The following IL12RB2 variants were observed in gnomAD, a reference collection of about 807,000 sequenced individuals.
IL12RB2 encodes the protein interleukin 12 receptor subunit beta 2.
IL12RB2 carries 82 observed loss-of-function variants against 89.4 expected under a neutral mutation model. That is an observed-to-expected ratio of 0.92 (90% CI 0.77 to 1.10). The LOEUF (loss-of-function observed/expected upper bound fraction) is 1.10, where lower values mean the gene tolerates loss of function less well. Among genes scored for constraint, IL12RB2 ranks in the 50% least tolerant of loss-of-function variants. The probability of loss-of-function intolerance (pLI) is 0.00; values close to 1 mark genes in which losing one functional copy is unlikely to be tolerated. For synonymous variants in IL12RB2, 368 were observed against 370.1 expected, an observed-to-expected ratio of 0.99 and a Z score of 0.07; for missense variants, 963 against 1,031.9, an observed-to-expected ratio of 0.93 and a Z score of 0.92.
In IL12RB2 at chr1:67,316,421, A is replaced by AGTGTGTGTGTGTGTGTGTGT. The variant is rs71062410; in HGVS notation, c.-37+2434_-37+2453dup. On this transcript the variant is annotated intron_variant, in intron 2 of 16. Transcript: ENST00000674203. ...CTGCATCCACCCTAGTCCCCAGAGT[A>AGTGTGTGTGTGTGTGTGTGT]GTGTGTGTGTGTGTGTGTGTGTGTG... is the stretch of plus-strand genomic sequence containing the variant. Among the ~76,000 whole-genome samples, 809 of 146,230 alleles carry AGTGTGTGTGTGTGTGTGTGT rather than the reference A, an allele frequency of 5.5e-3. 6 individuals carry two copies. Among genetic ancestry groups the AGTGTGTGTGTGTGTGTGTGT allele is most frequent in the Middle Eastern group, 0.014 (4 of 284 alleles).
intron 10 of IL12RB2, among the ~76,000 whole-genome samples, chr1:67,360,080 T>G (rs563132169): frequency 2.0e-4 from 30 of 152,264 alleles, no homozygotes; most frequent in African/African-American, 7.0e-4. Context: ...TAGGAGGTCC[T>G]CACAGTTTTG....
At chr1:67,395,526 C>T (rs781335963) in intron 16 of IL12RB2, 21 bp from the exon 17 acceptor site, 9 of 1,614,210 alleles carry the variant, frequency 5.6e-6, no homozygotes, top group African/African-American at 1.3e-5. Flanking sequence ...GTGTGAGCCT[C>T]TTCCTCCTCC....
chr1:67,359,275 TAAAG>T (rs1432430546), intron 10 of IL12RB2, among the ~76,000 whole-genome samples: 1 of 152,200 alleles, frequency 6.6e-6, no homozygotes, highest in Non-Finnish European at 1.5e-5. Context: ...AAATATAAAA[TAAAG>T]AAAGCTGTCC....
intron 1 of IL12RB2, among the ~76,000 whole-genome samples, chr1:67,312,268 G>T (rs899959052): frequency 2.6e-5 from 4 of 152,154 alleles, no homozygotes; most frequent in Non-Finnish European, 5.9e-5. Flanking sequence ...TACAGAGAGT[G>T]AATCAGAGAA....
Position 67,367,992 on chromosome 1 carries a change from A to C in IL12RB2, c.1426A>C (p.Ser476Arg), listed in dbSNP as rs771271419. 1 of 1,609,258 alleles carries C rather than the reference A, an allele frequency of 6.2e-7. No individual in the cohort carries two copies. Among genetic ancestry groups the C allele is most frequent in the East Asian group, 2.2e-5 (1 of 44,852 alleles). The part of the protein sequence containing the change: ...DTQVPLNWLR[S>R]RPYNVSALIS... The stretch of plus-strand genomic sequence containing the variant: ...ACAGGTCCCTCTAAACTGGCTACGG[A>C]GTCGACCCTACAATGTGTCTGCTCT... Residue 476 changes from serine to arginine, a missense_variant, in exon 11 of 17, where the codon AGT (serine) becomes CGT (arginine). Physicochemically the swap from Ser to Arg is moderately radical, Grantham distance 110. Coordinates refer to ENST00000674203, the MANE Select transcript of IL12RB2 (RefSeq NM_001374259.2).
At chr1:67,321,043 C>T (rs1282501901) in intron 3 of IL12RB2, among the ~76,000 whole-genome samples, 3 of 151,616 alleles carry the variant, frequency 2.0e-5, no homozygotes, top group Admixed American at 6.6e-5. Context: ...TTCTTCCTGC[C>T]TCCCGCCGTC....
At chr1:67,374,194 T>C (rs1209700781) in intron 13 of IL12RB2, among the ~76,000 whole-genome samples, 1 of 152,236 alleles carries the variant, frequency 6.6e-6, no homozygotes, top group Non-Finnish European at 1.5e-5. Flanking sequence ...ACTTATGTCA[T>C]TCTTTTTTAT....
At chr1:67,367,527 G>GAGGAAGGGAGGGA (rs1662836209) in intron 10 of IL12RB2, among the ~76,000 whole-genome samples, 1 of 139,040 alleles carries the variant, frequency 7.2e-6, no homozygotes, top group Non-Finnish European at 1.6e-5. Context: ...GGGAGGGAGG[G>GAGGAAGGGAGGGA]AGGAAGGGAG....
Position 67,376,720 on chromosome 1 carries a change from G to T in IL12RB2, c.1718-3266G>T, listed in dbSNP as rs565072288. ...TATGTGTGCGTGTGTGTGTGTGTAT[G>T]TGTGTTTGGATAAACTTTATTGGCC... is the stretch of plus-strand genomic sequence containing the variant. On this transcript the variant is annotated intron_variant, in intron 13 of 16. Transcript: ENST00000674203. 2.6e-5 allele frequency among the ~76,000 whole-genome samples: 4 copies of T among 152,186 alleles called. No homozygotes were observed. In the South Asian group the frequency reaches 8.3e-4, roughly 32 times the overall value.
At chr1:67,380,744 A>C (rs1481130074) in intron 14 of IL12RB2, among the ~76,000 whole-genome samples, 2 of 152,184 alleles carry the variant, frequency 1.3e-5, no homozygotes, top group African/African-American at 4.8e-5. Flanking sequence ...GAGAGAATCT[A>C]TTCCAGGCCT....
intron 13 of IL12RB2, among the ~76,000 whole-genome samples, chr1:67,376,243 G>C (rs1663974449): frequency 6.6e-6 from 1 of 152,132 alleles, no homozygotes; most frequent in Non-Finnish European, 1.5e-5. Context: ...AGAAGCCATG[G>C]CAATTTGCTC....
At chr1:67,339,631 G>A (rs2100753943) in intron 9 of IL12RB2, among the ~76,000 whole-genome samples, 1 of 152,264 alleles carries the variant, frequency 6.6e-6, no homozygotes, top group East Asian at 1.9e-4. Context: ...GTTTCACAAA[G>A]CACTGAAAGC....
At position 67,309,079 on chromosome 1, in the gene IL12RB2, T is replaced by C. The variant is rs59946092; in HGVS notation, c.-125+1112T>C. ...ATATATACACACACACACATACACA[T>C]ATATATATAAAGAATAAAGCTAAAT... On this transcript the variant is annotated intron_variant, in intron 1 of 16. Transcript: ENST00000674203. Among the ~76,000 whole-genome samples the C allele has an allele frequency of 7.2e-3, 1,085 of 150,980 alleles. 47 individuals are homozygous for C. Among genetic ancestry groups the C allele is most frequent in the Admixed American group, 0.057 (867 of 15,182 alleles).
chr1:67,332,906 T>C (rs1338929770), intron 8 of IL12RB2, among the ~76,000 whole-genome samples: 1 of 152,246 alleles, frequency 6.6e-6, no homozygotes, highest in Non-Finnish European at 1.5e-5. Flanking sequence ...TTCTTTTCTT[T>C]TTTAAAAAGT....
intron 10 of IL12RB2, among the ~76,000 whole-genome samples, chr1:67,351,537 C>A (rs1388913145): frequency 6.6e-6 from 1 of 152,050 alleles, no homozygotes; most frequent in Non-Finnish European, 1.5e-5. Flanking sequence ...TGGTGTGTAC[C>A]TATGGTCCCA....
chr1:67,381,805 C>G (rs11209061), intron 14 of IL12RB2, among the ~76,000 whole-genome samples: 1 of 147,488 alleles, frequency 6.8e-6, no homozygotes, highest in Non-Finnish European at 1.5e-5. Context: ...TTAACTTGCT[C>G]GATTAATGTG....
Position 67,367,874 on chromosome 1 carries a change from C to T in IL12RB2, c.1308C>T (p.Asn436=), listed in dbSNP as rs1368839227. 1.9e-6 allele frequency: 3 copies of T among 1,609,786 alleles called. No individual in the cohort carries two copies. The highest frequency in any genetic ancestry group is 2.6e-6 in the Non-Finnish European group (3 of 1,176,106). ...CTGCAAACTCAGAGGGCATGGACAA[C>T]ATTCTGGTGACTTGGCAGCCTCCCA... is the stretch of plus-strand genomic sequence containing the variant. ...QVSANSEGMD[N]ILVTWQPPRK... The change falls in exon 11 of 17, where the codon AAC becomes AAT. Residue 436 remains asparagine, a synonymous_variant. Transcript: ENST00000674203.
rs1454990870 is a variant in IL12RB2 at position 67,395,953 on chromosome 1, C to T, written c.2453C>T (p.Ser818Phe). Residue 818 changes from serine (S) to phenylalanine (F), a missense_variant, in exon 17 of 17, where the codon TCT becomes TTT. Transcript: ENST00000674203. ...TCACATGAGGCACCTCTCGCTGACT[C>T]TCTGGAAGAACTGGAGCCTCAGCAC... ...LPSHEAPLADSLEELEPQHIS... is the reference protein window; with the variant it reads ...LPSHEAPLADFLEELEPQHIS... 4 of 1,611,298 alleles carry T rather than the reference C, an allele frequency of 2.5e-6. No individual in the cohort carries two copies. The highest frequency in any genetic ancestry group is 1.3e-5 in the African/African-American group (1 of 74,870).
intron 14 of IL12RB2, among the ~76,000 whole-genome samples, chr1:67,385,899 G>A (rs12130669): frequency 0.47 from 71,097 of 151,894 alleles, 18,809 homozygotes; most frequent in Non-Finnish European, 0.58. Flanking sequence ...GTCACCATTC[G>A]CATTTTATAG....
Sources: allele counts gnomAD v4.1 joint callset (sites outside exome capture counted in the v4.1 genomes callset), GRCh38; gene constraint gnomAD v4.1.1; transcripts MANE v1.5; gene names NCBI Gene and HGNC (gene_info 2026-07-23, HGNC 2026-07-21).